KAZN: variants seen among roughly 807,000 people sequenced by gnomAD.
KAZN encodes the protein kazrin.
Under a neutral mutation model 87.4 loss-of-function variants are expected in KAZN, and 40 were observed. The observed-to-expected ratio is 0.46, with a 90% CI of 0.36 to 0.60. The LOEUF (loss-of-function observed/expected upper bound fraction) is 0.60. KAZN is among the 20% of genes least tolerant of loss of function. The pLI, the probability that KAZN is intolerant of heterozygous loss-of-function variation, is 0.00. For synonymous variants in KAZN, 466 were observed against 458.3 expected, an observed-to-expected ratio of 1.02 and a Z score of -0.22; for missense variants, 898 against 1,073.9, an observed-to-expected ratio of 0.84 and a Z score of 2.29.
At chr1:14,198,544 G>A (rs1367031637) in intron 2 of KAZN, among the ~76,000 whole-genome samples, 1 of 152,198 alleles carries the variant, frequency 6.6e-6, no homozygotes, top group East Asian at 1.9e-4. Flanking sequence ...AGATTGCGGT[G>A]AGCTGAGATT....
chr1:14,578,893 G>A (rs1263254935), intron 2 of KAZN, among the ~76,000 whole-genome samples: 1 of 152,116 alleles, frequency 6.6e-6, no homozygotes, highest in African/African-American at 2.4e-5. Context: ...AGGCAGATGA[G>A]TATTATCATT....
intron 2 of KAZN, among the ~76,000 whole-genome samples, chr1:14,507,978 T>TAA (rs567197866): frequency 0.019 from 1,738 of 91,316 alleles, 26 homozygotes; most frequent in Non-Finnish European, 0.014. Flanking sequence ...AAAAAATAAA[T>TAA]AAAAAAAAAA....
At chr1:14,231,920 C>T (rs555719983) in intron 2 of KAZN, among the ~76,000 whole-genome samples, 1 of 152,286 alleles carries the variant, frequency 6.6e-6, no homozygotes, top group African/African-American at 2.4e-5. Flanking sequence ...ATACTACAGT[C>T]TTCAGTACTG....
At chr1:14,310,950 G>A (rs1174846688) in intron 2 of KAZN, among the ~76,000 whole-genome samples, 1 of 152,120 alleles carries the variant, frequency 6.6e-6, no homozygotes, top group Non-Finnish European at 1.5e-5. Context: ...TTGGACATGA[G>A]GGGCGGTGTT....
rs542045563 is a variant in KAZN, at chr1:15,010,505, C to G, written c.419-24244C>G. On this transcript the variant is annotated intron_variant, in intron 2 of 14. Transcript: ENST00000376030. ...TCCCAGGTTCCCGCCATTCTCCTGC[C>G]TCAGCCTCCCCAGTAGCTGGGACTA... is the stretch of plus-strand genomic sequence containing the variant. Among the ~76,000 whole-genome samples the G allele has an allele frequency of 2.6e-5, 4 of 151,646 alleles. No homozygotes were observed. The East Asian group carries it at 7.8e-4, about 30-fold the overall frequency.
intron 1 of KAZN, among the ~76,000 whole-genome samples, chr1:14,011,949 G>A (rs72875205): frequency 0.048 from 7,282 of 152,174 alleles, 522 homozygotes; most frequent in African/African-American, 0.16. Context: ...CCTTTTAGGG[G>A]GTGTTTGGAA....
At chr1:14,391,931 G>A (rs994258761) in intron 2 of KAZN, among the ~76,000 whole-genome samples, 11 of 152,224 alleles carry the variant, frequency 7.2e-5, no homozygotes, top group East Asian at 1.9e-4. Flanking sequence ...TGGGATGACC[G>A]TACTTGCACT....
At chr1:14,874,066 A>G (rs1474776660) in intron 1 of KAZN, among the ~76,000 whole-genome samples, 7 of 152,242 alleles carry the variant, frequency 4.6e-5, no homozygotes, top group Admixed American at 4.6e-4. Flanking sequence ...AGAGATGTCT[A>G]TTAATCATCT....
intron 2 of KAZN, among the ~76,000 whole-genome samples, chr1:14,245,217 G>T (rs568850578): frequency 6.6e-6 from 1 of 151,766 alleles, no homozygotes; most frequent in East Asian, 2.0e-4. Context: ...CTCCCACCTC[G>T]GCCTCAGGAA....
chr1:15,080,065 A>C (rs1230365148), intron 8 of KAZN, among the ~76,000 whole-genome samples: 2 of 152,160 alleles, frequency 1.3e-5, no homozygotes, highest in East Asian at 3.9e-4. Context: ...GGCCAACCCC[A>C]GGATCTCAAT....
intron 2 of KAZN, among the ~76,000 whole-genome samples, chr1:14,549,224 A>G (rs191483185): frequency 2.6e-5 from 4 of 152,280 alleles, no homozygotes; most frequent in Middle Eastern, 3.4e-3. Flanking sequence ...GGGTCTGACA[A>G]CACCAGCTGC....
chr1:14,407,253 G>A (rs556395765), intron 2 of KAZN, among the ~76,000 whole-genome samples: 1 of 152,280 alleles, frequency 6.6e-6, no homozygotes, highest in South Asian at 2.1e-4. Flanking sequence ...TTTTCTCTAA[G>A]ACCTGGGAGA....
intron 1 of KAZN, among the ~76,000 whole-genome samples, chr1:14,715,251 A>T (rs1423468567): frequency 6.6e-6 from 1 of 152,208 alleles, no homozygotes; most frequent in Non-Finnish European, 1.5e-5. Flanking sequence ...GCCCCAGAAT[A>T]GTGGCTGGAA....
intron 2 of KAZN, among the ~76,000 whole-genome samples, chr1:14,975,788 G>T (rs903832127): frequency 3.3e-4 from 50 of 152,184 alleles, no homozygotes; most frequent in African/African-American, 1.1e-3. Flanking sequence ...TCCCAGTACT[G>T]CGGGAGGCCG....
intron 1 of KAZN, among the ~76,000 whole-genome samples, chr1:13,906,608 T>A (rs1639446844): frequency 6.6e-6 from 1 of 152,182 alleles, no homozygotes; most frequent in African/African-American, 2.4e-5. Flanking sequence ...CGACCTTGGT[T>A]TACTGCTCTC....
At position 14,758,527 on chromosome 1, in the gene KAZN, G is replaced by A. The variant is rs1213767437; in HGVS notation, c.226+159304G>A. ...AGAGTTTCACTATGTTGCCCAGGCA[G>A]GTCTTTAACTCCTGGGCTTAAGCAA... is the stretch of plus-strand genomic sequence containing the variant. On this transcript the variant is annotated intron_variant, in intron 1 of 14. Transcript: ENST00000376030. Among the ~76,000 whole-genome samples the A allele has an allele frequency of 2.0e-5, 3 of 151,874 alleles. No homozygotes were observed. In the East Asian group the frequency reaches 5.8e-4, roughly 29 times the overall value.
At chr1:14,869,166 G>T (rs1185852132) in intron 1 of KAZN, among the ~76,000 whole-genome samples, 2 of 152,198 alleles carry the variant, frequency 1.3e-5, no homozygotes, top group African/African-American at 4.8e-5. Flanking sequence ...TAGTATTCCA[G>T]CTTCCACCAT....
At chr1:14,746,322 A>G (rs1469452812) in intron 1 of KAZN, among the ~76,000 whole-genome samples, 2 of 152,132 alleles carry the variant, frequency 1.3e-5, no homozygotes, top group African/African-American at 4.8e-5. Flanking sequence ...GTATTTACTT[A>G]TTTAACATGT....
rs149545083 is a variant in KAZN, at chr1:14,736,751, A to C, written c.226+137528A>C. ...TTCAGCCCAGGATGTGCAAGGGTGA[A>C]GGAATAGTATATTCACTCAAATCAT... On this transcript the variant is annotated intron_variant, in intron 1 of 14. Transcript: ENST00000376030. 1.8e-3 allele frequency among the ~76,000 whole-genome samples: 275 copies of C among 152,304 alleles called. 4 individuals are homozygous for C. The East Asian group carries it at 0.039, about 21-fold the overall frequency.
Sources: allele counts gnomAD v4.1 joint callset (sites outside exome capture counted in the v4.1 genomes callset), GRCh38; gene constraint gnomAD v4.1.1; transcripts MANE v1.5; gene names NCBI Gene and HGNC (gene_info 2026-07-23, HGNC 2026-07-21).